EYS: variants seen among roughly 807,000 people sequenced by gnomAD.
EYS encodes protein eyes shut homolog.
In EYS, 250 loss-of-function variants were observed where a neutral mutation model predicts 282.1. The ratio of observed to expected loss-of-function variants is 0.89; its 90% CI spans 0.80 to 0.98. EYS has a LOEUF of 0.98. Among genes scored for constraint, EYS ranks in the 50% least tolerant of loss-of-function variants. The probability of loss-of-function intolerance (pLI) is 0.00; values close to 1 mark genes in which losing one functional copy is unlikely to be tolerated. For missense variants in EYS, 4,016 were observed against 3,709.0 expected (o/e 1.08, Z -2.15); for synonymous variants, 1,355 against 1,282.9 (o/e 1.06, Z -1.20).
At chr6:65,548,710 A>T (rs1929332) in intron 2 of EYS, among the ~76,000 whole-genome samples, 113,275 of 152,154 alleles carry the variant, frequency 0.74, 42,926 homozygotes, top group African/African-American at 0.88. Context: ...TCACTTCAAT[A>T]TTCTGCAACT....
intron 31 of EYS, among the ~76,000 whole-genome samples, chr6:64,110,562 T>C (rs138929598): frequency 6.2e-4 from 95 of 152,156 alleles, no homozygotes; most frequent in African/African-American, 2.2e-3. Flanking sequence ...ACAGGCATGA[T>C]CTATTCTGAA....
chr6:64,924,687 C>T (rs1424632942), intron 15 of EYS, among the ~76,000 whole-genome samples: 1 of 152,128 alleles, frequency 6.6e-6, no homozygotes, highest in Non-Finnish European at 1.5e-5. Context: ...TCATCATTCT[C>T]AAATTCAAAG....
intron 31 of EYS, among the ~76,000 whole-genome samples, chr6:64,184,133 C>A (rs1157499653): frequency 2.6e-5 from 4 of 152,108 alleles, no homozygotes; most frequent in Non-Finnish European, 5.9e-5. Flanking sequence ...TATTGTCTTC[C>A]ATGGCAATTA....
At chr6:64,133,278 C>A (rs539544855) in intron 31 of EYS, among the ~76,000 whole-genome samples, 1 of 152,056 alleles carries the variant, frequency 6.6e-6, no homozygotes, top group South Asian at 2.1e-4. Context: ...TCAGGTGGTA[C>A]AAGAAAGCTT....
chr6:63,841,763 C>T (rs554137990), intron 36 of EYS, among the ~76,000 whole-genome samples: 1 of 152,064 alleles, frequency 6.6e-6, no homozygotes, highest in East Asian at 1.9e-4. Flanking sequence ...TCCCTTTGCC[C>T]CCCGCCACCC....
At chr6:65,595,470 A>T (rs354366) in intron 2 of EYS, among the ~76,000 whole-genome samples, 99,441 of 143,406 alleles carry the variant, frequency 0.69, 32,871 homozygotes, top group East Asian at 0.78. Context: ...AAGTATAATT[A>T]AAAAAAAAAA....
At chr6:64,385,802 AT>A (rs5876894) in intron 29 of EYS, among the ~76,000 whole-genome samples, 109,952 of 151,944 alleles carry the variant, frequency 0.72, 39,905 homozygotes, top group African/African-American at 0.8. Context: ...TTTTGTTAAC[AT>A]TTTTTCTCCA....
chr6:64,444,696 T>C (rs1007256627), intron 26 of EYS, among the ~76,000 whole-genome samples: 2 of 152,186 alleles, frequency 1.3e-5, no homozygotes, highest in East Asian at 1.9e-4. Flanking sequence ...CCAAATCCCA[T>C]GTGGAAATGT....
chr6:63,899,076 A>G (rs1773601813), intron 35 of EYS, among the ~76,000 whole-genome samples: 1 of 152,236 alleles, frequency 6.6e-6, no homozygotes, highest in Non-Finnish European at 1.5e-5. Flanking sequence ...GGAAAAAAAG[A>G]GAGTGCAGAT....
intron 5 of EYS, among the ~76,000 whole-genome samples, chr6:65,427,975 C>T (rs1304701229): frequency 1.3e-5 from 2 of 151,820 alleles, no homozygotes; most frequent in Non-Finnish European, 2.9e-5. Context: ...AAGAAAATTT[C>T]ATTTTATTAG....
At chr6:65,098,635 C>T (rs1459930657) in intron 12 of EYS, among the ~76,000 whole-genome samples, 2 of 150,650 alleles carry the variant, frequency 1.3e-5, no homozygotes, top group African/African-American at 4.8e-5. Flanking sequence ...TCCCAAGAAG[C>T]CAAATACATT....
At chr6:64,231,240 T>C (rs1465580079) in intron 30 of EYS, among the ~76,000 whole-genome samples, 2 of 152,174 alleles carry the variant, frequency 1.3e-5, no homozygotes, top group African/African-American at 4.8e-5. Flanking sequence ...TGACTTAGCA[T>C]TAATTTCTGG....
intron 12 of EYS, among the ~76,000 whole-genome samples, chr6:65,125,802 T>G (rs892963791): frequency 1.3e-5 from 2 of 152,052 alleles, no homozygotes; most frequent in Non-Finnish European, 2.9e-5. Context: ...AAAGACAATC[T>G]CCCTTCCCTT....
At chr6:65,510,790 T>C (rs946446717) in intron 2 of EYS, among the ~76,000 whole-genome samples, 1 of 152,218 alleles carries the variant, frequency 6.6e-6, no homozygotes, top group African/African-American at 2.4e-5. Context: ...ATGTGTGTTG[T>C]TGTTAATTTA....
intron 22 of EYS, among the ~76,000 whole-genome samples, chr6:64,677,941 T>C (rs1303557503): frequency 6.6e-6 from 1 of 152,052 alleles, no homozygotes; most frequent in Non-Finnish European, 1.5e-5. Context: ...AAAATGACTA[T>C]AAAGGAATAA....
intron 26 of EYS, among the ~76,000 whole-genome samples, chr6:64,491,486 A>T (rs1776740282): frequency 6.6e-6 from 1 of 151,166 alleles, no homozygotes; most frequent in African/African-American, 2.4e-5. Flanking sequence ...AATACTAAGA[A>T]AATATTTGAA....
rs546302056 is a variant in EYS at position 64,706,073 on chromosome 6, C to A, written c.3444-79828G>T. On this transcript the variant is annotated intron_variant, in intron 22 of 42. Coordinates refer to ENST00000503581, the MANE Select transcript of EYS (RefSeq NM_001142800.2). ...TCACATTACCTTACCTCAAACTATA[C>A]TAAAAGGCCATAGTCACCAAAACGG... 2.0e-5 allele frequency among the ~76,000 whole-genome samples: 3 copies of A among 149,532 alleles called. No individual in the cohort carries two copies. The South Asian group carries it at 6.3e-4, about 31-fold the overall frequency.
rs1281264873 is a variant in EYS at position 63,721,029 on chromosome 6, G to C, written c.9002C>G (p.Ala3001Gly). The C allele has an allele frequency of 1.9e-5, 29 of 1,551,066 alleles. No individual in the cohort carries two copies. The highest frequency in any genetic ancestry group is 2.4e-5 in the Non-Finnish European group (27 of 1,146,734). The stretch of plus-strand genomic sequence containing the variant: ...CAGAAAATCATTTTCTTCATTTTGA[G>C]CTATTCCCATCCATACAATTAGACC... ...TEGLIVWMGI[A>G]QNEENDFLAI... Residue 3001 changes from alanine (A) to glycine (G), a missense_variant, in exon 43 of 43, where the codon GCT (alanine) becomes GGT (glycine). Coordinates refer to ENST00000503581, the MANE Select transcript of EYS (RefSeq NM_001142800.2).
At chr6:64,849,042 C>T (rs1765802368) in intron 19 of EYS, among the ~76,000 whole-genome samples, 1 of 151,970 alleles carries the variant, frequency 6.6e-6, no homozygotes, top group African/African-American at 2.4e-5. Flanking sequence ...ATAATCCCTC[C>T]ACACTATTCT....
Sources: gnomAD v4.1 joint callset for allele counts (sites outside exome capture counted in the v4.1 genomes callset) on GRCh38, gnomAD v4.1.1 for gene constraint, MANE v1.5 for transcripts, NCBI Gene and HGNC (gene_info 2026-07-23, HGNC 2026-07-21) for gene names.